Variants in ZYG11B observed in about 807,000 individuals in gnomAD.
ZYG11B encodes the protein protein zyg-11 homolog B.
A neutral mutation model predicts 82.4 loss-of-function variants in ZYG11B; 36 were observed. The ratio of observed to expected loss-of-function variants is 0.44; its 90% CI spans 0.33 to 0.58. The LOEUF is 0.58. ZYG11B is among the 20% of genes least tolerant of loss of function. ZYG11B has a pLI of 0.02. For missense variants in ZYG11B, 552 were observed against 895.6 expected, an observed-to-expected ratio of 0.62 and a Z score of 4.90; for synonymous variants, 303 against 312.8, an observed-to-expected ratio of 0.97 and a Z score of 0.33.
chr1:52,752,815 G>A (rs1644537389), intron 1 of ZYG11B, among the ~76,000 whole-genome samples: 1 of 151,390 alleles, frequency 6.6e-6, no homozygotes. Context: ...TTTGGTGTCA[G>A]TAGTGTTGTG....
At chr1:52,799,500 AAAAG>A in intron 8 of ZYG11B, among the ~76,000 whole-genome samples, 2 of 150,506 alleles carry the variant, frequency 1.3e-5, no homozygotes, top group East Asian at 2.0e-4. Flanking sequence ...AAAAAAAAAC[AAAAG>A]AAAGAAAAAA....
chr1:52,749,480 C>G (rs1003312240), intron 1 of ZYG11B, among the ~76,000 whole-genome samples: 1 of 152,174 alleles, frequency 6.6e-6, no homozygotes, highest in African/African-American at 2.4e-5. Flanking sequence ...ATAGGTCTCT[C>G]TTTTTCCAAC....
At chr1:52,785,245 T>C (rs912180608) in intron 5 of ZYG11B, among the ~76,000 whole-genome samples, 192 bp downstream of exon 5, 7 of 152,078 alleles carry the variant, frequency 4.6e-5, no homozygotes, top group East Asian at 3.9e-4. Flanking sequence ...AATCCATATA[T>C]TGGGGGACAT....
chr1:52,796,431 G>C (rs1645006862), intron 7 of ZYG11B, 40 bp downstream of exon 7: 4 of 1,485,974 alleles, frequency 2.7e-6, no homozygotes, highest in Non-Finnish European at 3.7e-6. Flanking sequence ...GTAGACAGCT[G>C]TTTCTCACTA....
At chr1:52,776,584 A>G (rs1249578961) in intron 3 of ZYG11B, among the ~76,000 whole-genome samples, 1 of 151,950 alleles carries the variant, frequency 6.6e-6, no homozygotes, top group Non-Finnish European at 1.5e-5. Context: ...TCCAGTAACA[A>G]GAGTTCTTTA....
chr1:52,797,362 C>T (rs1371119746), intron 8 of ZYG11B, among the ~76,000 whole-genome samples: 55 of 39,932 alleles, frequency 1.4e-3, no homozygotes, highest in Non-Finnish European at 1.6e-3. Flanking sequence ...ATATATAATA[C>T]ATATAATATA....
At position 52,726,613 on chromosome 1, in the gene ZYG11B, G is replaced by T; in HGVS notation, c.-41G>T. The T allele has an allele frequency of 7.1e-7, 1 of 1,408,994 alleles. No homozygotes were observed. Among genetic ancestry groups the T allele is most frequent in the Non-Finnish European group, 9.2e-7 (1 of 1,087,950 alleles). The allele number at this position is 1,408,994 out of a possible 1,614,324, so 87.3% of individuals were successfully genotyped here. On this transcript the variant is annotated 5_prime_UTR_variant, in exon 1 of 14. Transcript: ENST00000294353. ...CCGCGCCGGCTCAGCCTGGGGGCGG[G>T]CTCCGGTCCGGCCCGCCGCCGCACC...
chr1:52,746,181 C>T lies in ZYG11B; in HGVS notation c.31-10277C>T, dbSNP rs900339826. Among the ~76,000 whole-genome samples the T allele has an allele frequency of 5.3e-5, 8 of 151,462 alleles. No individual in the cohort carries two copies. In the South Asian group the frequency reaches 8.3e-4, roughly 16 times the overall value. On this transcript the variant is annotated intron_variant, in intron 1 of 13. Coordinates refer to ENST00000294353, the MANE Select transcript of ZYG11B (RefSeq NM_024646.3). The stretch of plus-strand genomic sequence containing the variant: ...TTCACTGTGTTAGCCAGGATGGTCT[C>T]GACCTCGTGATCCACCCGCCTTGGC...
chr1:52,805,699 G>A (rs1257610350), intron 10 of ZYG11B, among the ~76,000 whole-genome samples: 1 of 152,040 alleles, frequency 6.6e-6, no homozygotes, highest in African/African-American at 2.4e-5. Flanking sequence ...AGCCGTGGTG[G>A]CCCATGCCTG....
chr1:52,796,457 C>G (rs1645007095), intron 7 of ZYG11B, 66 bp downstream of exon 7: 2 of 1,333,210 alleles, frequency 1.5e-6, no homozygotes, highest in Non-Finnish European at 2.1e-6. Context: ...ACTGTTTCCC[C>G]CCAAAAGCTG....
chr1:52,738,985 C>CTTTTT lies in ZYG11B; in HGVS notation c.30+12311_30+12315dup, dbSNP rs10643364. 4.7e-5 allele frequency among the ~76,000 whole-genome samples: 5 copies of CTTTTT among 106,308 alleles called. 2 individuals carry two copies. Among genetic ancestry groups the CTTTTT allele is most frequent in the Non-Finnish European group, 6.9e-5 (4 of 57,588 alleles). The allele number at this position is 106,308 out of a possible 152,430, so 69.7% of individuals were successfully genotyped here. On this transcript the variant is annotated intron_variant, in intron 1 of 13. Transcript: ENST00000294353. ...ATTTTCATTTCATAGGCCCTGTAACCTTTTTTTTTTTTTGGAGACAGAGTC... is the reference window on the plus strand; with the variant it reads ...ATTTTCATTTCATAGGCCCTGTAACCTTTTTTTTTTTTTTTTTTGGAGACAGAGTC...
At chr1:52,754,998 G>A (rs1158913732) in intron 1 of ZYG11B, among the ~76,000 whole-genome samples, 11 of 134,860 alleles carry the variant, frequency 8.2e-5, no homozygotes, top group African/African-American at 3.2e-4. Context: ...TTGCTCTGTC[G>A]CCCAGGCTGT....
chr1:52,762,978 G>T (rs116724309), intron 2 of ZYG11B, among the ~76,000 whole-genome samples: 8 of 114,366 alleles, frequency 7.0e-5, no homozygotes, highest in East Asian at 2.8e-4. Flanking sequence ...TGAGAGATTG[G>T]GGGGGGGGGG....
intron 1 of ZYG11B, among the ~76,000 whole-genome samples, chr1:52,733,425 A>T (rs1348736808): frequency 6.6e-6 from 1 of 151,956 alleles, no homozygotes; most frequent in South Asian, 2.1e-4. Flanking sequence ...TATAATCCCA[A>T]CACTTTGGGA....
At chr1:52,783,754 A>T (rs908127562) in intron 4 of ZYG11B, among the ~76,000 whole-genome samples, 1 of 148,158 alleles carries the variant, frequency 6.7e-6, no homozygotes, top group African/African-American at 2.5e-5. Flanking sequence ...TCCCAAGTAG[A>T]TGGGACTATA....
At chr1:52,802,185 T>C in intron 10 of ZYG11B, 46 bp downstream of exon 10, 1 of 1,577,376 alleles carries the variant, frequency 6.3e-7, no homozygotes, top group Non-Finnish European at 8.6e-7. Flanking sequence ...ATATTTATTT[T>C]CTGTCTGAAG....
chr1:52,747,593 C>G (rs896946077), intron 1 of ZYG11B, among the ~76,000 whole-genome samples: 5 of 151,214 alleles, frequency 3.3e-5, no homozygotes, highest in African/African-American at 1.2e-4. Flanking sequence ...TTTTTTCTCT[C>G]TCTCGTAACA....
At chr1:52,819,905 ATTTAT>A (rs1196504947) in intron 13 of ZYG11B, among the ~76,000 whole-genome samples, 2 of 151,392 alleles carry the variant, frequency 1.3e-5, no homozygotes, top group African/African-American at 2.4e-5. Flanking sequence ...GCCCTGAATA[ATTTAT>A]TTTATTTTAT....
rs1481550865 is a variant in ZYG11B, at chr1:52,825,504, C to T, written c.*3875C>T. The stretch of plus-strand genomic sequence containing the variant: ...ATAAAGCTGCATGGGAATTTGCTTT[C>T]GTGATATATTTCATTTGCAAACTTC... On this transcript the variant is annotated 3_prime_UTR_variant, in exon 14 of 14. Transcript: ENST00000294353. The T allele has an allele frequency of 6.6e-6, 1 of 151,986 alleles. No homozygotes were observed. The highest frequency in any genetic ancestry group is 2.4e-5 in the African/African-American group (1 of 41,350). 9.4% of individuals were successfully genotyped at this position (151,986 alleles called of 1,614,324 possible).
Sources: allele counts gnomAD v4.1 joint callset (sites outside exome capture counted in the v4.1 genomes callset), GRCh38; gene constraint gnomAD v4.1.1; transcripts MANE v1.5; gene names NCBI Gene and HGNC (gene_info 2026-07-23, HGNC 2026-07-21).